Variants in TNFRSF19 observed in about 807,000 individuals in gnomAD.
The protein encoded by TNFRSF19 is TNF receptor superfamily member 19, also known as tumor necrosis factor receptor superfamily member 19.
A neutral mutation model predicts 46.4 loss-of-function variants in TNFRSF19; 27 were observed. The ratio of observed to expected loss-of-function variants is 0.58; its 90% confidence interval spans 0.43 to 0.80. The LOEUF is 0.80. Among genes scored for constraint, TNFRSF19 ranks in the 30% least tolerant of loss-of-function variants. The pLI is 0.00. For synonymous variants in TNFRSF19, 204 were observed against 205.0 expected (o/e 1.00, Z 0.04); for missense variants, 511 against 530.8 (o/e 0.96, Z 0.37).
chr13:23,588,231 A>G (rs1878984489), intron 1 of TNFRSF19, among the ~76,000 whole-genome samples: 1 of 152,212 alleles, frequency 6.6e-6, no homozygotes, highest in South Asian at 2.1e-4. Flanking sequence ...AGGGTTAAGT[A>G]ACTTATTCCA....
intron 5 of TNFRSF19, among the ~76,000 whole-genome samples, chr13:23,635,540 G>A (rs1227617826): frequency 2.0e-5 from 3 of 152,072 alleles, no homozygotes; most frequent in East Asian, 3.9e-4. Context: ...CACCATGCCC[G>A]GCTAATTTGT....
At chr13:23,646,792 C>T (rs916488976) in intron 5 of TNFRSF19, among the ~76,000 whole-genome samples, 3 of 152,144 alleles carry the variant, frequency 2.0e-5, no homozygotes, top group Non-Finnish European at 4.4e-5. Context: ...GGGGTATATA[C>T]CCAGGAGTGA....
intron 1 of TNFRSF19, among the ~76,000 whole-genome samples, chr13:23,573,877 A>G (rs1471045146): frequency 2.0e-5 from 3 of 152,074 alleles, no homozygotes; most frequent in Non-Finnish European, 4.4e-5. Flanking sequence ...CCTGGCTAAC[A>G]TGGTGAAACC....
At chr13:23,651,010 G>A (rs1883595321) in intron 5 of TNFRSF19, among the ~76,000 whole-genome samples, 1 of 151,836 alleles carries the variant, frequency 6.6e-6, no homozygotes, top group African/African-American at 2.4e-5. Flanking sequence ...TGTATGTTGA[G>A]TGTTACATAG....
intron 4 of TNFRSF19, 113 bp from the exon 5 acceptor site, chr13:23,626,594 C>A: frequency 1.1e-6 from 1 of 908,120 alleles, no homozygotes; most frequent in Non-Finnish European, 1.7e-6. Context: ...ATTATTTAAG[C>A]CTCTGTGTAC....
At chr13:23,597,796 A>G (rs1312610520) in intron 3 of TNFRSF19, among the ~76,000 whole-genome samples, 1 of 152,232 alleles carries the variant, frequency 6.6e-6, no homozygotes, top group Non-Finnish European at 1.5e-5. Flanking sequence ...CACAACAAAA[A>G]AAGAAAATTT....
intron 7 of TNFRSF19, among the ~76,000 whole-genome samples, chr13:23,665,914 G>A (rs888799007): frequency 6.6e-6 from 1 of 152,096 alleles, no homozygotes; most frequent in African/African-American, 2.4e-5. Context: ...CTTTTAATCT[G>A]GAATTGTCTC....
chr13:23,631,939 C>A (rs1025678589), intron 5 of TNFRSF19, among the ~76,000 whole-genome samples: 1 of 152,166 alleles, frequency 6.6e-6, no homozygotes, highest in Non-Finnish European at 1.5e-5. Context: ...CATAATGAGA[C>A]GCAGATGAGA....
intron 5 of TNFRSF19, among the ~76,000 whole-genome samples, chr13:23,650,205 G>A (rs1325009589): frequency 6.6e-6 from 1 of 152,142 alleles, no homozygotes; most frequent in African/African-American, 2.4e-5. Context: ...TTAGTGTAAT[G>A]GCAATAATGT....
At chr13:23,574,170 G>GCCCTCATAATAGGGCTTATCA (rs1566155229) in intron 1 of TNFRSF19, among the ~76,000 whole-genome samples, 1 of 151,272 alleles carries the variant, frequency 6.6e-6, no homozygotes, top group Non-Finnish European at 1.5e-5. Flanking sequence ...CCAAACAACT[G>GCCCTCATAATAGGGCTTATCA]CCCTCATAAT....
At chr13:23,666,057 A>G (rs1329676469) in intron 7 of TNFRSF19, among the ~76,000 whole-genome samples, 1 of 152,210 alleles carries the variant, frequency 6.6e-6, no homozygotes, top group Non-Finnish European at 1.5e-5. Flanking sequence ...ATTCAGAAAT[A>G]CTGCTGAGGG....
chr13:23,612,159 C>T (rs1245886675), intron 3 of TNFRSF19, among the ~76,000 whole-genome samples: 1 of 152,148 alleles, frequency 6.6e-6, no homozygotes, highest in Admixed American at 6.5e-5. Context: ...AGGGTGGTGA[C>T]ACAAGTTTGT....
chr13:23,624,699 A>G (rs966931184), intron 4 of TNFRSF19, among the ~76,000 whole-genome samples: 3 of 152,130 alleles, frequency 2.0e-5, no homozygotes, highest in Non-Finnish European at 4.4e-5. Flanking sequence ...CGCTGTTCAT[A>G]TACAGTATAT....
At chr13:23,583,024 A>G (rs1593229633) in intron 1 of TNFRSF19, among the ~76,000 whole-genome samples, 1 of 152,248 alleles carries the variant, frequency 6.6e-6, no homozygotes, top group Non-Finnish European at 1.5e-5. Context: ...TGCTATGAAC[A>G]TTCATGTGCA....
At chr13:23,665,490 A>G (rs989140953) in intron 7 of TNFRSF19, among the ~76,000 whole-genome samples, 4 of 152,166 alleles carry the variant, frequency 2.6e-5, no homozygotes, top group Admixed American at 1.3e-4. Context: ...TTATTTTGAC[A>G]TAATTTCAGA....
chr13:23,613,988 C>T (rs571865133), intron 3 of TNFRSF19, among the ~76,000 whole-genome samples: 2 of 152,310 alleles, frequency 1.3e-5, no homozygotes, highest in African/African-American at 2.4e-5. Flanking sequence ...AAACTTGAGA[C>T]CACCCCGTAA....
At chr13:23,620,119 C>T (rs1881556386) in intron 4 of TNFRSF19, among the ~76,000 whole-genome samples, 1 of 152,184 alleles carries the variant, frequency 6.6e-6, no homozygotes, top group African/African-American at 2.4e-5. Flanking sequence ...GGCGTAATTA[C>T]ATAGTGACTT....
chr13:23,628,575 A>G (rs1192854169), intron 5 of TNFRSF19, among the ~76,000 whole-genome samples: 1 of 152,058 alleles, frequency 6.6e-6, no homozygotes. Flanking sequence ...AATTTATTGG[A>G]TTTATATTTA....
At chr13:23,653,663 C>T (rs1372649332) in intron 5 of TNFRSF19, among the ~76,000 whole-genome samples, 2 of 151,984 alleles carry the variant, frequency 1.3e-5, no homozygotes, top group Admixed American at 1.3e-4. Flanking sequence ...GAGGGATTTG[C>T]TTGTAGTTGG....
Sources: gnomAD v4.1 joint callset for allele counts (sites outside exome capture counted in the v4.1 genomes callset) on GRCh38, gnomAD v4.1.1 for gene constraint, MANE v1.5 for transcripts, NCBI Gene and HGNC (gene_info 2026-07-23, HGNC 2026-07-21) for gene names.